Variants in GGTA1 observed in about 807,000 individuals in gnomAD.
The protein encoded by GGTA1 is glycoprotein alpha-galactosyltransferase 1 (inactive).
In GGTA1, 5 loss-of-function variants were observed where a neutral mutation model predicts 2.6. That is an observed-to-expected ratio of 1.92 (90% CI 1.00 to 4.04). The LOEUF (loss-of-function observed/expected upper bound fraction) is 4.04. Among genes scored for constraint, GGTA1 ranks in the 30% most tolerant of loss-of-function variants. The pLI is 0.00. For synonymous variants in GGTA1, 17 were observed against 5.0 expected, an observed-to-expected ratio of 3.38 and a Z score of -3.19; for missense variants, 50 against 16.7, an observed-to-expected ratio of 2.99 and a Z score of -3.47.
downstream of GGTA1, among the ~76,000 whole-genome samples, chr9:121,453,381 T>C (rs1243498194): frequency 6.6e-6 from 1 of 152,136 alleles, no homozygotes; most frequent in African/African-American, 2.4e-5. Flanking sequence ...CAGGAAGCTA[T>C]AACAAAGCAC....
chr9:121,457,627 G>C (rs1029089020), intron 5 of GGTA1, among the ~76,000 whole-genome samples: 4 of 151,102 alleles, frequency 2.6e-5, no homozygotes, highest in African/African-American at 9.7e-5. Context: ...CATGAACCCG[G>C]GAGGCAGAGC....
chr9:121,495,122 G>A (rs556929666), intron 1 of GGTA1, among the ~76,000 whole-genome samples: 1 of 151,984 alleles, frequency 6.6e-6, no homozygotes, highest in African/African-American at 2.4e-5. Context: ...GTTTCACTTT[G>A]TTGGCCAAGC....
intron 1 of GGTA1, among the ~76,000 whole-genome samples, chr9:121,488,125 A>ATGTG (rs34747249): frequency 0.57 from 86,302 of 150,790 alleles, 24,882 homozygotes; most frequent in South Asian, 0.66. Context: ...GTGTGCGTGC[A>ATGTG]TGTGTGTGTG....
intron 1 of GGTA1, among the ~76,000 whole-genome samples, chr9:121,482,731 T>G (rs1008503662): frequency 6.6e-6 from 1 of 152,186 alleles, no homozygotes; most frequent in Non-Finnish European, 1.5e-5. Flanking sequence ...ATTGTGCCAC[T>G]GCACTCCAGC....
At chr9:121,494,370 C>T (rs959458251) in intron 1 of GGTA1, 2 of 152,222 alleles carry the variant, frequency 1.3e-5, no homozygotes, top group Non-Finnish European at 1.5e-5. Flanking sequence ...CTCTCATGGC[C>T]GGGTCTGATT....
intron 1 of GGTA1, among the ~76,000 whole-genome samples, chr9:121,492,014 C>A (rs1006133601): frequency 2.6e-5 from 4 of 152,074 alleles, no homozygotes; most frequent in Non-Finnish European, 5.9e-5. Context: ...CTAGTAGGTG[C>A]TCAGTAAATT....
chr9:121,468,923 C>G (rs1828316524), intron 1 of GGTA1, among the ~76,000 whole-genome samples: 1 of 152,120 alleles, frequency 6.6e-6, no homozygotes, highest in African/African-American at 2.4e-5. Context: ...GAGGAGCCAC[C>G]CCATCCCCAA....
At chr9:121,449,371 A>G (rs1453064432) in intron 7 of GGTA1, among the ~76,000 whole-genome samples, 2 of 152,212 alleles carry the variant, frequency 1.3e-5, no homozygotes, top group Non-Finnish European at 2.9e-5. Context: ...AGAAACTGCC[A>G]AATTGTCTTC....
At position 121,461,275 on chromosome 9, in the gene GGTA1, C is replaced by A. The variant is rs904035727; in HGVS notation, c.159G>T (p.Trp53Cys). ...ACCCATTGTTAAACCAGCTCAGAAA[C>A]CACCAGCCCTTCTGAGCACTGCTGT... Reference protein sequence around the residue: ...VDDSSAQKGWWFLSWFNNGIH... With the variant: ...VDDSSAQKGWCFLSWFNNGIH... Residue 53 changes from tryptophan (W) to cysteine (C), a missense_variant, in exon 4 of 6, where the codon TGG becomes TGT. By Grantham distance (215) the Trp-to-Cys change is radical (BLOSUM62 -2). Transcript: ENST00000481799. 3 of 456,480 alleles carry A rather than the reference C, an allele frequency of 6.6e-6. No individual in the cohort carries two copies. The highest frequency in any genetic ancestry group is 6.0e-5 in the African/African-American group (3 of 50,056). 28.3% of individuals were successfully genotyped at this position (456,480 alleles called of 1,614,324 possible). A position where few individuals can be genotyped will look rare whatever the true frequency, so the allele number is the denominator to read the frequency against.
At chr9:121,480,338 G>A (rs1180709594) in intron 1 of GGTA1, among the ~76,000 whole-genome samples, 3 of 152,218 alleles carry the variant, frequency 2.0e-5, no homozygotes, top group Admixed American at 6.5e-5. Flanking sequence ...TTACAGGTGT[G>A]AGCCACCATG....
At chr9:121,461,341 A>T in intron 3 of GGTA1, 24 bp from the exon 4 acceptor site, 1 of 453,510 alleles carries the variant, frequency 2.2e-6, no homozygotes, top group Non-Finnish European at 4.4e-6. Flanking sequence ...AAGTTTACAA[A>T]TATTTTTAGA....
chr9:121,475,141 G>GTT (rs1828480248), intron 1 of GGTA1, among the ~76,000 whole-genome samples: 1 of 152,182 alleles, frequency 6.6e-6, no homozygotes, highest in Non-Finnish European at 1.5e-5. Context: ...AGACCTTGCT[G>GTT]GTAAAACAGT....
At chr9:121,454,831 G>T (rs560249309), downstream of GGTA1, among the ~76,000 whole-genome samples, 5 of 152,236 alleles carry the variant, frequency 3.3e-5, no homozygotes, top group Admixed American at 6.5e-5. Flanking sequence ...TAGCCAACAT[G>T]GTGAAACCCT....
downstream of GGTA1, among the ~76,000 whole-genome samples, chr9:121,453,349 A>C (rs866627360): frequency 6.6e-6 from 1 of 152,220 alleles, no homozygotes; most frequent in African/African-American, 2.4e-5. Flanking sequence ...CTGGAATGGG[A>C]CTTGGCAAGG....
chr9:121,463,787 C>T (rs963205021), intron 2 of GGTA1, among the ~76,000 whole-genome samples: 7 of 152,136 alleles, frequency 4.6e-5, no homozygotes, highest in African/African-American at 1.4e-4. Context: ...TACTCAGGTG[C>T]CTGGTGATGA....
chr9:121,485,905 T>C (rs1216290957), intron 1 of GGTA1, among the ~76,000 whole-genome samples: 1 of 152,180 alleles, frequency 6.6e-6, no homozygotes, highest in African/African-American at 2.4e-5. Flanking sequence ...AGCTCACCCA[T>C]TCTAAGATTA....
At chr9:121,466,511 A>G (rs1043373258) in intron 2 of GGTA1, among the ~76,000 whole-genome samples, 2 of 152,230 alleles carry the variant, frequency 1.3e-5, no homozygotes, top group East Asian at 3.8e-4. Context: ...ACAAAGCAAC[A>G]TTCCAGAAAT....
At chr9:121,450,443 A>T (rs1042113184), downstream of GGTA1, among the ~76,000 whole-genome samples, 1 of 152,168 alleles carries the variant, frequency 6.6e-6, no homozygotes, top group Non-Finnish European at 1.5e-5. Context: ...CAAACCAAAC[A>T]TTACACCTCC....
chr9:121,494,667 T>A (rs1055120986), intron 1 of GGTA1: 1 of 152,296 alleles, frequency 6.6e-6, no homozygotes, highest in African/African-American at 2.4e-5. Flanking sequence ...GGTGATCTCC[T>A]GGGAGTGGGG....
Sources: allele counts gnomAD v4.1 joint callset (sites outside exome capture counted in the v4.1 genomes callset), GRCh38; gene constraint gnomAD v4.1.1; transcripts MANE v1.5; gene names NCBI Gene and HGNC (gene_info 2026-07-23, HGNC 2026-07-21).